The following CBLL1 variants were observed in gnomAD, a reference collection of about 807,000 sequenced individuals.
CBLL1 encodes the protein E3 ubiquitin-protein ligase Hakai.
CBLL1 carries 4 observed loss-of-function variants against 44.9 expected under a neutral mutation model. That is an observed-to-expected ratio of 0.09 (90% CI 0.04 to 0.20). CBLL1 has a LOEUF of 0.20. Ranked by LOEUF, CBLL1 falls within the 10% of genes least tolerant of loss-of-function variation. The pLI, the probability that CBLL1 is intolerant of heterozygous loss-of-function variation, is 1.00. For missense variants in CBLL1, 569 were observed against 636.7 expected, an observed-to-expected ratio of 0.89 and a Z score of 1.14; for synonymous variants, 235 against 202.2, an observed-to-expected ratio of 1.16 and a Z score of -1.38.
At chr7:107,756,186 G>A (rs1354948434) in intron 5 of CBLL1, among the ~76,000 whole-genome samples, 11 of 152,160 alleles carry the variant, frequency 7.2e-5, no homozygotes. Context: ...GAAGGCTTAA[G>A]AAAGAATGAA....
intron 4 of CBLL1, among the ~76,000 whole-genome samples, chr7:107,755,118 C>T (rs1793468437): frequency 1.3e-5 from 2 of 151,604 alleles, no homozygotes; most frequent in Admixed American, 6.6e-5. Flanking sequence ...AGATCTGTTT[C>T]TTAAAAAAAA....
chr7:107,754,201 T>C, intron 4 of CBLL1: 1 of 286,090 alleles, frequency 3.5e-6, no homozygotes, highest in Non-Finnish European at 6.4e-6. Flanking sequence ...TTAGAATAAT[T>C]TCTGAAAACT....
At chr7:107,750,789 C>T (rs905489361) in intron 2 of CBLL1, among the ~76,000 whole-genome samples, 10 of 152,252 alleles carry the variant, frequency 6.6e-5, no homozygotes, top group Middle Eastern at 3.4e-3. Flanking sequence ...TATTGGAACA[C>T]AGCTATGCTC....
chr7:107,759,408 CTT>C lies in CBLL1; in HGVS notation c.*232_*233del. The C allele has an allele frequency of 2.5e-6, 1 of 396,004 alleles. No individual in the cohort carries two copies. Among genetic ancestry groups the C allele is most frequent in the Non-Finnish European group, 4.5e-6 (1 of 222,390 alleles). 24.5% of individuals were successfully genotyped at this position (396,004 alleles called of 1,614,324 possible). A position where few individuals can be genotyped will look rare whatever the true frequency, so the allele number is the denominator to read the frequency against. ...TGAGCACAGCTATATTTTAACATCTCTTTGTTCCCCTAGTTTAGTAAATTGAC... is the reference window on the plus strand; with the variant it reads ...TGAGCACAGCTATATTTTAACATCTCTGTTCCCCTAGTTTAGTAAATTGAC... On this transcript the variant is annotated 3_prime_UTR_variant, in exon 6 of 6. Coordinates refer to ENST00000440859, the MANE Select transcript of CBLL1 (RefSeq NM_024814.4).
chr7:107,751,503 A>G (rs763936699), intron 2 of CBLL1, among the ~76,000 whole-genome samples: 1 of 152,158 alleles, frequency 6.6e-6, no homozygotes, highest in Non-Finnish European at 1.5e-5. Context: ...AACATATGTT[A>G]TGGTTTCTTT....
chr7:107,759,650 A>G lies in CBLL1; in HGVS notation c.*472A>G, dbSNP rs949007740. The G allele has an allele frequency of 6.5e-6, 1 of 153,636 alleles. No individual in the cohort carries two copies. The highest frequency in any genetic ancestry group is 2.4e-5 in the African/African-American group (1 of 41,548). 9.5% of individuals were successfully genotyped at this position (153,636 alleles called of 1,614,324 possible). A position where few individuals can be genotyped will look rare whatever the true frequency, so the allele number is the denominator to read the frequency against. On this transcript the variant is annotated 3_prime_UTR_variant, in exon 6 of 6. Coordinates refer to ENST00000440859, the MANE Select transcript of CBLL1 (RefSeq NM_024814.4). The stretch of plus-strand genomic sequence containing the variant: ...TTTTAAACCATATGTTTTACCACTA[A>G]TTTCCCAAAGTTATAATAAAATCCT...
In CBLL1 at chr7:107,749,035, C is replaced by T. The variant is rs1315097397; in HGVS notation, c.169C>T (p.Pro57Ser). 2.5e-6 allele frequency: 4 copies of T among 1,613,714 alleles called. No individual in the cohort carries two copies. In the African/African-American group the frequency reaches 5.3e-5, roughly 22 times the overall value. The change falls in exon 2 of 6, where the codon CCT becomes TCT. Residue 57 changes from proline to serine, a missense_variant. Pro to Ser is a moderately conservative substitution (Grantham distance 74). Coordinates refer to ENST00000440859, the MANE Select transcript of CBLL1 (RefSeq NM_024814.4). ...TINRMPAKAP[P>S]GDEEGFDYNE... The stretch of plus-strand genomic sequence containing the variant: ...AAACAGGATGCCTGCAAAGGCTCCA[C>T]CTGGTGATGAAGGTAATTTGTTTAA...
chr7:107,749,183 A>T, intron 2 of CBLL1, 136 bp downstream of exon 2: 1 of 622,236 alleles, frequency 1.6e-6, no homozygotes, highest in Non-Finnish European at 2.5e-6. Context: ...TTGACTTCTC[A>T]TTGTAGCACA....
At position 107,753,417 on chromosome 7, in the gene CBLL1, T is replaced by A; in HGVS notation, c.188T>A (p.Phe63Tyr). The change falls in exon 3 of 6, where the codon TTT becomes TAT. Residue 63 changes from phenylalanine (F) to tyrosine (Y), a missense_variant. By Grantham distance (22) the Phe-to-Tyr change is conservative (BLOSUM62 3). Transcript: ENST00000440859. ...AATACTTTTTTTTTCTCAGAAGGAT[T>A]TGATTATAATGAAGAAGAACGGTAT... ...AKAPPGDEEG[F>Y]DYNEEERYDC... is the part of the protein sequence containing the mutation. 1 of 1,569,948 alleles carries A rather than the reference T, an allele frequency of 6.4e-7. No homozygotes were observed. Among genetic ancestry groups the A allele is most frequent in the Non-Finnish European group, 8.6e-7 (1 of 1,164,304 alleles).
intron 2 of CBLL1, among the ~76,000 whole-genome samples, chr7:107,751,860 G>A (rs185517533): frequency 8.6e-4 from 131 of 152,154 alleles, no homozygotes; most frequent in African/African-American, 2.8e-3. Flanking sequence ...ATGATAATGT[G>A]CTCCTAATTT....
intron 2 of CBLL1, among the ~76,000 whole-genome samples, chr7:107,751,762 A>G (rs1287009745): frequency 6.6e-6 from 1 of 152,178 alleles, no homozygotes; most frequent in Non-Finnish European, 1.5e-5. Context: ...GGAGTAAAAT[A>G]AGTTTGTTTT....
At position 107,748,935 on chromosome 7, in the gene CBLL1, C is replaced by T. The variant is rs755947721; in HGVS notation, c.69C>T (p.Arg23=). The change falls in exon 2 of 6, where the codon CGC becomes CGT. Residue 23 remains arginine (R), a synonymous_variant. Transcript: ENST00000440859. The part of the protein sequence containing the change: ...SSGSLGGLDV[R]RRIPIKLISK... The stretch of plus-strand genomic sequence containing the variant: ...GATCCTTGGGTGGTCTTGATGTTCG[C>T]AGACGAATTCCTATAAAGCTCATCT... 6.2e-7 allele frequency: 1 copy of T among 1,613,964 alleles called. No homozygotes were observed. Among genetic ancestry groups the T allele is most frequent in the Admixed American group, 1.7e-5 (1 of 60,004 alleles).
chr7:107,749,193 A>C, intron 2 of CBLL1, 146 bp downstream of exon 2: 1 of 596,174 alleles, frequency 1.7e-6, no homozygotes, highest in Non-Finnish European at 2.7e-6. Context: ...ATTGTAGCAC[A>C]TTGTATTTTT....
In CBLL1 at chr7:107,758,257, T is replaced by C; in HGVS notation, c.555T>C (p.His185=). Residue 185 remains histidine (H), a synonymous_variant, in exon 6 of 6, where the codon CAT becomes CAC. Coordinates refer to ENST00000440859, the MANE Select transcript of CBLL1 (RefSeq NM_024814.4). The surrounding 1 kb of genome is among the most constrained non-coding windows in gnomAD (Gnocchi z 4.2). ...TGTCTCAGAGAGACTTACAGGCTCA[T>C]ATCAACCATCGCCATATGAGAGCTG... ...TYLSQRDLQA[H]INHRHMRAGK... 6.2e-7 allele frequency: 1 copy of C among 1,614,154 alleles called. No homozygotes were observed.
chr7:107,747,943 A>T (rs1251742459), intron 1 of CBLL1, among the ~76,000 whole-genome samples: 1 of 152,214 alleles, frequency 6.6e-6, no homozygotes, highest in African/African-American at 2.4e-5. Flanking sequence ...ACTACAAATT[A>T]AAAAATACGT....
chr7:107,755,598 A>G, intron 5 of CBLL1, 107 bp downstream of exon 5: 3 of 535,722 alleles, frequency 5.6e-6, no homozygotes, highest in Middle Eastern at 3.4e-4. Flanking sequence ...AGGAGATGAA[A>G]CATACAGACA....
chr7:107,749,785 A>ATT (rs935721397), intron 2 of CBLL1, among the ~76,000 whole-genome samples: 5 of 151,996 alleles, frequency 3.3e-5, no homozygotes, highest in Non-Finnish European at 7.4e-5. Flanking sequence ...ACCTTTTAAA[A>ATT]TTTTTGTTTT....
chr7:107,744,447 G>A, intron 1 of CBLL1: 1 of 425,012 alleles, frequency 2.4e-6, no homozygotes, highest in South Asian at 6.2e-5. Flanking sequence ...GGCGATGTAG[G>A]CCTTCGGGAA....
chr7:107,754,548 T>C (rs1793444042), intron 4 of CBLL1, among the ~76,000 whole-genome samples: 1 of 152,170 alleles, frequency 6.6e-6, no homozygotes, highest in African/African-American at 2.4e-5. Context: ...AACATACCTG[T>C]GATGGTAGAT....
Sources: allele counts gnomAD v4.1 joint callset (sites outside exome capture counted in the v4.1 genomes callset), GRCh38; gene constraint gnomAD v4.1.1; non-coding constraint Gnocchi (gnomAD v3.1); transcripts MANE v1.5; gene names NCBI Gene and HGNC (gene_info 2026-07-23, HGNC 2026-07-21).